The following CDH12 variants were observed in gnomAD, a reference collection of about 807,000 sequenced individuals.
CDH12 encodes the protein cadherin-12.
Under a neutral mutation model 74.1 loss-of-function variants are expected in CDH12, and 41 were observed. That is an observed-to-expected ratio of 0.55 (90% CI 0.43 to 0.72). The LOEUF is 0.72. CDH12 is among the 30% of genes least tolerant of loss of function. CDH12 has a pLI of 0.00. For missense variants in CDH12, 945 were observed against 977.2 expected (o/e 0.97, Z 0.44); for synonymous variants, 399 against 355.0 (o/e 1.12, Z -1.39).
chr5:22,566,318 A>G (rs1580770926), intron 1 of CDH12, among the ~76,000 whole-genome samples: 1 of 147,400 alleles, frequency 6.8e-6, no homozygotes, highest in Non-Finnish European at 1.5e-5. Context: ...ACTCACTGCA[A>G]CCTCCACCTC....
intron 1 of CDH12, among the ~76,000 whole-genome samples, chr5:22,623,847 G>T (rs1193706808): frequency 6.6e-6 from 1 of 152,050 alleles, no homozygotes; most frequent in Non-Finnish European, 1.5e-5. Context: ...AAAAGAGCCC[G>T]CATTGCCAAG....
chr5:22,146,971 T>A, intron 4 of CDH12, among the ~76,000 whole-genome samples: 1 of 152,152 alleles, frequency 6.6e-6, no homozygotes, highest in East Asian at 1.9e-4. Flanking sequence ...TCAGACATAT[T>A]GTTTATTGCA....
At chr5:22,188,566 G>A (rs1750097028) in intron 4 of CDH12, among the ~76,000 whole-genome samples, 1 of 152,160 alleles carries the variant, frequency 6.6e-6, no homozygotes, top group Non-Finnish European at 1.5e-5. Context: ...GAGAAAATAA[G>A]TATGATTGCT....
chr5:22,536,236 C>T (rs530480614), intron 1 of CDH12, among the ~76,000 whole-genome samples: 81 of 152,290 alleles, frequency 5.3e-4, no homozygotes, highest in African/African-American at 1.4e-3. Context: ...ACTGACCTTG[C>T]GAAGCAATCT....
chr5:22,117,447 TAA>T (rs1491207864), intron 4 of CDH12, among the ~76,000 whole-genome samples: 1 of 92,512 alleles, frequency 1.1e-5, no homozygotes, highest in Non-Finnish European at 2.0e-5. Context: ...TATATATATA[TAA>T]TATATATATT....
chr5:21,814,452 A>G (rs985596269), intron 9 of CDH12, among the ~76,000 whole-genome samples: 2 of 151,928 alleles, frequency 1.3e-5, no homozygotes, highest in Non-Finnish European at 2.9e-5. Flanking sequence ...ATGTTTTGAT[A>G]TAATAAGATA....
chr5:22,387,278 AT>A (rs1398563316), intron 3 of CDH12, among the ~76,000 whole-genome samples: 2 of 151,814 alleles, frequency 1.3e-5, no homozygotes, highest in African/African-American at 4.8e-5. Context: ...TTTAAAAAAA[AT>A]TTTTAAATTT....
At chr5:22,457,995 G>A (rs931363469) in intron 2 of CDH12, among the ~76,000 whole-genome samples, 13 of 151,650 alleles carry the variant, frequency 8.6e-5, no homozygotes, top group African/African-American at 1.9e-4. Flanking sequence ...CACCCGCCTC[G>A]GCCTCCCAAA....
chr5:21,854,928 T>C (rs1299485897), intron 6 of CDH12, 138 bp from the exon 7 acceptor site: 7 of 614,162 alleles, frequency 1.1e-5, no homozygotes, highest in Non-Finnish European at 1.6e-5. Context: ...TCACTGAGGA[T>C]AGTTTAACCG....
At chr5:22,274,648 T>C (rs2150402418) in intron 3 of CDH12, among the ~76,000 whole-genome samples, 1 of 152,146 alleles carries the variant, frequency 6.6e-6, no homozygotes, top group African/African-American at 2.4e-5. Context: ...TCATATTATA[T>C]GCCAATATAT....
At chr5:22,470,416 A>ATTTAATTTTATTTAT (rs1745909744) in intron 2 of CDH12, among the ~76,000 whole-genome samples, 1 of 146,330 alleles carries the variant, frequency 6.8e-6, no homozygotes, top group African/African-American at 2.5e-5. Context: ...ATTTTATTTT[A>ATTTAATTTTATTTAT]TTTATTTTAT....
intron 1 of CDH12, among the ~76,000 whole-genome samples, chr5:22,554,059 C>T (rs1738689612): frequency 1.3e-5 from 2 of 151,908 alleles, no homozygotes; most frequent in South Asian, 4.1e-4. Context: ...TGAAGATGAC[C>T]ATAAAGTGAG....
intron 5 of CDH12, among the ~76,000 whole-genome samples, chr5:21,991,487 A>G (rs1390107807): frequency 6.7e-6 from 1 of 148,196 alleles, no homozygotes; most frequent in Non-Finnish European, 1.5e-5. Flanking sequence ...ACAAGGCCAA[A>G]TATATATATA....
At chr5:21,802,751 C>T (rs1417244959) in intron 9 of CDH12, among the ~76,000 whole-genome samples, 1 of 151,860 alleles carries the variant, frequency 6.6e-6, no homozygotes, top group East Asian at 1.9e-4. Context: ...GCCACCATGC[C>T]TGGCTAATTT....
At chr5:22,614,355 G>T (rs1251966818) in intron 1 of CDH12, among the ~76,000 whole-genome samples, 2 of 150,282 alleles carry the variant, frequency 1.3e-5, no homozygotes, top group Non-Finnish European at 3.0e-5. Flanking sequence ...CCTTGCAGGA[G>T]AATTGTGGAC....
intron 6 of CDH12, among the ~76,000 whole-genome samples, chr5:21,899,421 T>C (rs2150052461): frequency 6.6e-6 from 1 of 152,276 alleles, no homozygotes; most frequent in African/African-American, 2.4e-5. Flanking sequence ...ATGGACATGT[T>C]AAATCAAGAC....
At chr5:21,883,642 C>T in intron 6 of CDH12, 1 of 1,611,934 alleles carries the variant, frequency 6.2e-7, no homozygotes, top group South Asian at 1.1e-5. Context: ...GTCATTGTGA[C>T]CAAAGACGAT....
At chr5:22,852,269 C>G (rs1272533258) in intron 1 of CDH12, among the ~76,000 whole-genome samples, 5 of 152,138 alleles carry the variant, frequency 3.3e-5, no homozygotes, top group African/African-American at 1.2e-4. Context: ...GTTCTAAATA[C>G]ACTGTGGTCC....
chr5:22,445,903 C>A (rs1744798315), intron 2 of CDH12, among the ~76,000 whole-genome samples: 1 of 152,130 alleles, frequency 6.6e-6, no homozygotes, highest in Non-Finnish European at 1.5e-5. Flanking sequence ...ATAGACAAAT[C>A]TCTTGCTGTT....
Sources: allele counts gnomAD v4.1 joint callset (sites outside exome capture counted in the v4.1 genomes callset), GRCh38; gene constraint gnomAD v4.1.1; transcripts MANE v1.5; gene names NCBI Gene and HGNC (gene_info 2026-07-23, HGNC 2026-07-21).